Variants in ASXL2 observed in about 807,000 individuals in gnomAD.
ASXL2 encodes ASXL transcriptional regulator 2.
A neutral mutation model predicts 122.0 loss-of-function variants in ASXL2; 23 were observed. The ratio of observed to expected loss-of-function variants is 0.19; its 90% CI spans 0.14 to 0.27. The LOEUF is 0.27. ASXL2 is among the 10% of genes least tolerant of loss of function. The pLI is 1.00. For missense variants in ASXL2, 1,518 were observed against 1,713.8 expected, an observed-to-expected ratio of 0.89 and a Z score of 2.02; for synonymous variants, 650 against 637.0, an observed-to-expected ratio of 1.02 and a Z score of -0.31.
At chr2:25,764,630 T>C (rs527989895) in intron 8 of ASXL2, among the ~76,000 whole-genome samples, 1 of 152,320 alleles carries the variant, frequency 6.6e-6, no homozygotes, top group East Asian at 1.9e-4. Flanking sequence ...GTTTTTTGTT[T>C]AATATAAACA....
intron 1 of ASXL2, among the ~76,000 whole-genome samples, chr2:25,854,000 A>C (rs1417133815): frequency 6.6e-6 from 1 of 152,204 alleles, no homozygotes; most frequent in Non-Finnish European, 1.5e-5. Flanking sequence ...ACTTGAGTGT[A>C]AAAGTAGCTG....
chr2:25,802,634 T>C (rs1478935246), intron 4 of ASXL2, among the ~76,000 whole-genome samples: 3 of 152,168 alleles, frequency 2.0e-5, no homozygotes, highest in African/African-American at 7.2e-5. Context: ...CTTGGTGAGC[T>C]ACTGCATAGT....
chr2:25,775,793 TCTC>T (rs1323154594), intron 5 of ASXL2, among the ~76,000 whole-genome samples: 1 of 152,200 alleles, frequency 6.6e-6, no homozygotes, highest in Non-Finnish European at 1.5e-5. Context: ...CCTCTCTCAG[TCTC>T]CTCCTCTTTC....
In ASXL2 at chr2:25,771,835, T is replaced by C. The variant is rs1489920136; in HGVS notation, c.404-295A>G. ...ATGACTCATCAAATCAGATAAAACT[T>C]AGGAAAGATTCTAGGGCCTTTAAGA... is the stretch of plus-strand genomic sequence containing the variant. On this transcript the variant is annotated intron_variant, in intron 5 of 12. Coordinates refer to ENST00000435504, the MANE Select transcript of ASXL2 (RefSeq NM_018263.6). Among the ~76,000 whole-genome samples, 6 of 152,300 alleles carry C rather than the reference T, an allele frequency of 3.9e-5. No homozygotes were observed. In the East Asian group the frequency reaches 1.2e-3, roughly 29 times the overall value.
At chr2:25,876,116 A>G (rs2090007840) in intron 1 of ASXL2, among the ~76,000 whole-genome samples, 1 of 152,174 alleles carries the variant, frequency 6.6e-6, no homozygotes, top group African/African-American at 2.4e-5. Context: ...TCTCTTTCTA[A>G]AACACATTTT....
intron 8 of ASXL2, among the ~76,000 whole-genome samples, chr2:25,765,370 C>A (rs1357860219): frequency 1.3e-5 from 2 of 151,902 alleles, no homozygotes; most frequent in Non-Finnish European, 2.9e-5. Flanking sequence ...CCTGTCGTCC[C>A]AGCTACCCAG....
intron 3 of ASXL2, among the ~76,000 whole-genome samples, chr2:25,818,615 A>G (rs1211024698): frequency 3.9e-5 from 6 of 152,252 alleles, no homozygotes; most frequent in African/African-American, 1.4e-4. Context: ...GAAATAACCC[A>G]AAGAATAAGA....
intron 1 of ASXL2, among the ~76,000 whole-genome samples, chr2:25,846,277 C>T (rs2089647463): frequency 6.6e-6 from 1 of 152,140 alleles, no homozygotes; most frequent in Non-Finnish European, 1.5e-5. Context: ...CCCAGGCAAT[C>T]GCATGGGAGC....
intron 5 of ASXL2, among the ~76,000 whole-genome samples, chr2:25,798,627 G>T (rs1425459516): frequency 6.6e-6 from 1 of 152,116 alleles, no homozygotes; most frequent in East Asian, 1.9e-4. Context: ...AGCTGGGCTT[G>T]GTGGCAGGCA....
intron 9 of ASXL2, among the ~76,000 whole-genome samples, chr2:25,759,057 C>A (rs777508506): frequency 1.3e-5 from 2 of 152,050 alleles, no homozygotes; most frequent in African/African-American, 4.8e-5. Flanking sequence ...CAGGTTCAAG[C>A]GATTCTCCTG....
intron 5 of ASXL2, among the ~76,000 whole-genome samples, chr2:25,776,372 T>C (rs1288082004): frequency 6.6e-6 from 1 of 152,234 alleles, no homozygotes; most frequent in Non-Finnish European, 1.5e-5. Flanking sequence ...TAATATTCCA[T>C]TGCATGCTTA....
rs1170460606 is a variant in ASXL2, at chr2:25,749,905, T to C, written c.1651A>G (p.Met551Val). 1 of 1,612,838 alleles carries C rather than the reference T, an allele frequency of 6.2e-7. No individual in the cohort carries two copies. Among genetic ancestry groups the C allele is most frequent in the African/African-American group, 1.3e-5 (1 of 74,726 alleles). Residue 551 changes from methionine (M) to valine (V), a missense_variant, in exon 12 of 13, where the codon ATG becomes GTG. Met to Val is a conservative substitution (Grantham distance 21). Transcript: ENST00000435504. ...ACAAGAGTTGCTAGAGGTTCTTTCA[T>C]ATTAGTCTCCTGTGGACCCGCTCCT... Reference protein sequence around the residue: ...TAGAGPQETNMKEPLATLVDQ... With the variant: ...TAGAGPQETNVKEPLATLVDQ...
At position 25,832,822 on chromosome 2, in the gene ASXL2, G is replaced by A. The variant is rs948942545; in HGVS notation, c.143+2716C>T. ...AACGGATAAACAGTTAGAAACGGTC[G>A]CACGTCCATGTCAAAGAATACTACT... On this transcript the variant is annotated intron_variant, in intron 3 of 12. Transcript: ENST00000435504. Among the ~76,000 whole-genome samples, 82 of 152,196 alleles carry A rather than the reference G, an allele frequency of 5.4e-4. 1 individual carries two copies. Among genetic ancestry groups the A allele is most frequent in the African/African-American group, 1.8e-3 (74 of 41,502 alleles).
In ASXL2 at chr2:25,750,426, A is replaced by G; in HGVS notation, c.1143-13T>C. The G allele has an allele frequency of 6.4e-7, 1 of 1,561,620 alleles. No homozygotes were observed. The highest frequency in any genetic ancestry group is 8.6e-7 in the Non-Finnish European group (1 of 1,159,890). ...GCTCAGGCCAGAACTAAAAAGGGGA[A>G]AAAAGAAATATTCCAGTTGAAAAAT... On this transcript the variant is annotated splice_polypyrimidine_tract_variant and intron_variant, in intron 11 of 12. Transcript: ENST00000435504.
chr2:25,860,689 C>T (rs150405917), intron 1 of ASXL2, among the ~76,000 whole-genome samples: 4 of 148,070 alleles, frequency 2.7e-5, no homozygotes, highest in Non-Finnish European at 4.4e-5. Flanking sequence ...CCAGCCTGGG[C>T]GACAGAGAGA....
chr2:25,748,165 AAGACTCCATCT>A (rs1392395910), intron 12 of ASXL2, among the ~76,000 whole-genome samples: 3 of 147,608 alleles, frequency 2.0e-5, no homozygotes, highest in Non-Finnish European at 4.5e-5. Flanking sequence ...ACGACAGTGC[AAGACTCCATCT>A]TGGGGGGCAA....
rs190006071 is a variant in ASXL2, at chr2:25,835,689, A to G, written c.141-149T>C. The G allele has an allele frequency of 1.2e-4, 20 of 172,146 alleles. No homozygotes were observed. In the East Asian group the frequency reaches 2.7e-3, roughly 23 times the overall value. The allele number at this position is 172,146 out of a possible 1,614,324, so 10.7% of individuals were successfully genotyped here. On this transcript the variant is annotated intron_variant, in intron 2 of 12. Transcript: ENST00000435504. ...TCCCCAAATTAGTAACCCCCTCATTAATTTCTTCATTAAAATTTATAAATT... is the reference window on the plus strand; with the variant it reads ...TCCCCAAATTAGTAACCCCCTCATTGATTTCTTCATTAAAATTTATAAATT...
intron 2 of ASXL2, among the ~76,000 whole-genome samples, chr2:25,841,688 A>C (rs1323984436): frequency 1.3e-5 from 2 of 151,982 alleles, no homozygotes; most frequent in Non-Finnish European, 2.9e-5. Flanking sequence ...CTCTACTAAA[A>C]ATACAAAAAT....
At chr2:25,860,778 C>T (rs184882456) in intron 1 of ASXL2, among the ~76,000 whole-genome samples, 2 of 151,044 alleles carry the variant, frequency 1.3e-5, no homozygotes, top group Non-Finnish European at 2.9e-5. Flanking sequence ...TTTCGGAGGC[C>T]GAGGCTGGTG....
Sources: gnomAD v4.1 joint callset for allele counts (sites outside exome capture counted in the v4.1 genomes callset) on GRCh38, gnomAD v4.1.1 for gene constraint, MANE v1.5 for transcripts, NCBI Gene and HGNC (gene_info 2026-07-23, HGNC 2026-07-21) for gene names.